Variants in ALPK2 observed in about 807,000 individuals in gnomAD.
ALPK2 encodes alpha-protein kinase 2.
Under a neutral mutation model 163.1 loss-of-function variants are expected in ALPK2, and 127 were observed. That is an observed-to-expected ratio of 0.78 (90% CI 0.67 to 0.90). The LOEUF (loss-of-function observed/expected upper bound fraction) is 0.90. Among genes scored for constraint, ALPK2 ranks in the 40% least tolerant of loss-of-function variants. The pLI, the probability that ALPK2 is intolerant of heterozygous loss-of-function variation, is 0.00. For missense variants in ALPK2, 2,360 were observed against 2,589.6 expected (o/e 0.91, Z 1.92); for synonymous variants, 953 against 959.1 (o/e 0.99, Z 0.12).
chr18:58,582,559 G>A (rs933694191), intron 3 of ALPK2, among the ~76,000 whole-genome samples: 3 of 133,206 alleles, frequency 2.3e-5, no homozygotes, highest in African/African-American at 8.2e-5. Flanking sequence ...CATCCAGATT[G>A]TTGGCGAAAA....
In ALPK2 at chr18:58,508,026, T is replaced by C. The variant is rs527970248; in HGVS notation, c.6030-3878A>G. Among the ~76,000 whole-genome samples the C allele has an allele frequency of 3.3e-5, 5 of 152,216 alleles. No homozygotes were observed. The South Asian group carries it at 1.0e-3, about 32-fold the overall frequency. Reference sequence around the variant, plus strand: ...AATCCTAAGACTAGTGTTTGAGGTATTTTTCAGACCCTGTATTCTGATGGA... The same window carrying C: ...AATCCTAAGACTAGTGTTTGAGGTACTTTTCAGACCCTGTATTCTGATGGA... On this transcript the variant is annotated intron_variant, in intron 10 of 12. Transcript: ENST00000361673.
intron 3 of ALPK2, among the ~76,000 whole-genome samples, chr18:58,600,362 C>T (rs1464993941): frequency 6.6e-6 from 1 of 152,176 alleles, no homozygotes; most frequent in African/African-American, 2.4e-5. Flanking sequence ...TTAAGTGATT[C>T]ACCTATACTC....
chr18:58,551,186 G>A (rs374882272), intron 4 of ALPK2, among the ~76,000 whole-genome samples: 1 of 151,948 alleles, frequency 6.6e-6, no homozygotes, highest in Admixed American at 6.6e-5. Flanking sequence ...TGTTTCCTAG[G>A]GCTGCAAATG....
intron 10 of ALPK2, among the ~76,000 whole-genome samples, chr18:58,514,487 T>G (rs1237663088): frequency 6.6e-6 from 1 of 152,202 alleles, no homozygotes; most frequent in East Asian, 1.9e-4. Context: ...AAAGAGCAGA[T>G]AAAAGTGGGT....
At chr18:58,599,071 G>T (rs141048501) in intron 3 of ALPK2, among the ~76,000 whole-genome samples, 1 of 152,138 alleles carries the variant, frequency 6.6e-6, no homozygotes, top group Non-Finnish European at 1.5e-5. Context: ...AGCATGATTT[G>T]CCCTGAGGAG....
At chr18:58,547,514 A>G (rs753766206) in intron 4 of ALPK2, among the ~76,000 whole-genome samples, 12 of 152,200 alleles carry the variant, frequency 7.9e-5, no homozygotes, top group African/African-American at 2.9e-4. Flanking sequence ...GTGTTGGCGT[A>G]TAGACCCTAT....
intron 4 of ALPK2, among the ~76,000 whole-genome samples, chr18:58,575,043 A>G (rs189495845): frequency 1.3e-5 from 2 of 152,078 alleles, no homozygotes; most frequent in Admixed American, 6.5e-5. Context: ...GAGAAACCCC[A>G]TGTCTACTAA....
chr18:58,503,896 C>A, intron 11 of ALPK2, 35 bp downstream of exon 11: 2 of 1,579,216 alleles, frequency 1.3e-6, no homozygotes, highest in South Asian at 2.3e-5. Flanking sequence ...TGGCCCACAG[C>A]ATCCCTGGAG....
At chr18:58,619,038 A>G (rs80047759) in intron 1 of ALPK2, among the ~76,000 whole-genome samples, 1,610 of 152,336 alleles carry the variant, frequency 0.011, 26 homozygotes, top group African/African-American at 0.037. Context: ...TGAATTTGCC[A>G]TCTCAGTTAC....
At chr18:58,494,803 T>G (rs989250512) in intron 12 of ALPK2, among the ~76,000 whole-genome samples, 12 of 152,234 alleles carry the variant, frequency 7.9e-5, no homozygotes, top group Non-Finnish European at 1.5e-4. Flanking sequence ...CCTTCCTTTC[T>G]TCCCCAGCTC....
chr18:58,498,216 A>C, intron 11 of ALPK2, 119 bp from the exon 12 acceptor site: 1 of 898,446 alleles, frequency 1.1e-6, no homozygotes, highest in Non-Finnish European at 1.8e-6. Flanking sequence ...TTCCTGCATA[A>C]ACACTCGAGG....
Position 58,535,107 on chromosome 18 carries a change from G to A in ALPK2, c.5080C>T (p.Arg1694Ter), listed in dbSNP as rs1259029395. Residue 1694 changes from arginine to a stop codon, truncating the protein, a stop_gained, in exon 5 of 13, where the codon CGA (arginine) becomes TGA (stop). Transcript: ENST00000361673. LOFTEE classifies it high-confidence loss of function. ...AGGGTCCCTGGCGATTTGCCTGCTC[G>A]GGCTTCCAGGGACTTCTCTCTCTCC... ...SREREKSLEA[R>*]AGKSPGTLTA... 11 of 1,614,012 alleles carry A rather than the reference G, an allele frequency of 6.8e-6. No homozygotes were observed. Among genetic ancestry groups the A allele is most frequent in the Non-Finnish European group, 8.5e-6 (10 of 1,180,004 alleles).
intron 5 of ALPK2, among the ~76,000 whole-genome samples, chr18:58,534,274 G>A (rs962602686): frequency 1.2e-4 from 18 of 149,368 alleles, no homozygotes; most frequent in Non-Finnish European, 2.5e-4. Context: ...GGAAGGGTGA[G>A]TTGAAAAGAA....
intron 9 of ALPK2, among the ~76,000 whole-genome samples, chr18:58,515,357 G>A (rs1263726036): frequency 5.3e-5 from 8 of 152,216 alleles, no homozygotes; most frequent in East Asian, 1.9e-4. Context: ...CGGCAGGGCC[G>A]AAATTCACCC....
intron 3 of ALPK2, chr18:58,600,834 C>G (rs1422540038): frequency 6.6e-6 from 1 of 152,224 alleles, no homozygotes; most frequent in Non-Finnish European, 1.5e-5. Flanking sequence ...TTCCTGGACA[C>G]TGGACTGTGT....
chr18:58,588,452 A>T (rs1220679977), intron 3 of ALPK2, among the ~76,000 whole-genome samples: 1 of 152,108 alleles, frequency 6.6e-6, no homozygotes, highest in Non-Finnish European at 1.5e-5. Flanking sequence ...CATGTGCAGG[A>T]TGTGCAGGTT....
Position 58,481,663 on chromosome 18 carries a change from A to G in ALPK2, c.*160T>C, listed in dbSNP as rs2051311661. On this transcript the variant is annotated 3_prime_UTR_variant, in exon 13 of 13. Transcript: ENST00000361673. Reference sequence around the variant, plus strand: ...GTTCTGAAATCATTTGAGTGAAGACAGCAGGTGATGGGTTTAGAAGCATCT... The same window carrying G: ...GTTCTGAAATCATTTGAGTGAAGACGGCAGGTGATGGGTTTAGAAGCATCT... The G allele has an allele frequency of 1.1e-5, 7 of 629,332 alleles. No individual in the cohort carries two copies. The South Asian group carries it at 1.2e-4, about 11-fold the overall frequency. 39.0% of individuals were successfully genotyped at this position (629,332 alleles called of 1,614,324 possible).
intron 10 of ALPK2, among the ~76,000 whole-genome samples, chr18:58,509,656 G>A (rs1415773903): frequency 2.6e-5 from 4 of 152,004 alleles, no homozygotes; most frequent in Admixed American, 6.6e-5. Context: ...ATTTTTTCAT[G>A]TGTCTTTTGG....
chr18:58,577,881 A>C (rs1261689290), intron 4 of ALPK2: 1 of 152,204 alleles, frequency 6.6e-6, no homozygotes, highest in East Asian at 1.9e-4. Flanking sequence ...AAATAATACT[A>C]GTTTTCTAGT....
Sources: allele counts gnomAD v4.1 joint callset (sites outside exome capture counted in the v4.1 genomes callset), GRCh38; gene constraint gnomAD v4.1.1; transcripts MANE v1.5; gene names NCBI Gene and HGNC (gene_info 2026-07-23, HGNC 2026-07-21).